AIM2: variants seen among roughly 807,000 people sequenced by gnomAD.
AIM2 encodes the protein interferon-inducible protein AIM2.
In AIM2, 30 loss-of-function variants were observed where a neutral mutation model predicts 27.7. The observed-to-expected ratio is 1.08, with a 90% CI of 0.81 to 1.47. The LOEUF is 1.47. AIM2 is among the 40% of genes most tolerant of loss of function. The pLI is 0.00. For synonymous variants in AIM2, 141 were observed against 145.3 expected (o/e 0.97, Z 0.21); for missense variants, 358 against 411.3 (o/e 0.87, Z 1.12).
At chr1:159,123,275 T>C (rs185389676) in intron 1 of AIM2, among the ~76,000 whole-genome samples, 1 of 152,336 alleles carries the variant, frequency 6.6e-6, no homozygotes, top group African/African-American at 2.4e-5. Flanking sequence ...ATAATCTAAA[T>C]TGCTTTCCTA....
At chr1:159,132,514 C>T (rs572312682) in intron 1 of AIM2, among the ~76,000 whole-genome samples, 1 of 152,172 alleles carries the variant, frequency 6.6e-6, no homozygotes, top group Admixed American at 6.5e-5. Flanking sequence ...TGAAAAAGAA[C>T]GGACTCAGAC....
chr1:159,106,449 A>G (rs1329330100), intron 1 of AIM2, among the ~76,000 whole-genome samples: 1 of 152,280 alleles, frequency 6.6e-6, no homozygotes, highest in Non-Finnish European at 1.5e-5. Flanking sequence ...TATTATGCTT[A>G]TAGCTGTCAA....
At position 159,140,207 on chromosome 1, in the gene AIM2, G is replaced by C. The variant is rs370009027; in HGVS notation, c.-16+224C>G. ...ATGTCCTCCAAAGGGCATATCTATG[G>C]GACCAGTGGGAGAGAGATAACATCT... is the stretch of plus-strand genomic sequence containing the variant. On this transcript the variant is annotated intron_variant, in intron 1 of 2. Transcript: ENST00000368129. Among the ~76,000 whole-genome samples, 25 of 152,232 alleles carry C rather than the reference G, an allele frequency of 1.6e-4. No homozygotes were observed. In the East Asian group the frequency reaches 4.6e-3, roughly 28 times the overall value.
upstream of AIM2, among the ~76,000 whole-genome samples, chr1:159,080,693 C>G (rs748164577): frequency 6.6e-6 from 1 of 152,142 alleles, no homozygotes; most frequent in Non-Finnish European, 1.5e-5. Context: ...TGACACAACA[C>G]TTAGAGAACC....
chr1:159,117,094 T>C (rs776345613), intron 1 of AIM2, among the ~76,000 whole-genome samples: 8 of 152,170 alleles, frequency 5.3e-5, no homozygotes, highest in Non-Finnish European at 7.3e-5. Flanking sequence ...ATAGCTTGTA[T>C]GGACTGTAGT....
chr1:159,119,933 A>G (rs748654660), intron 1 of AIM2, among the ~76,000 whole-genome samples: 2 of 152,122 alleles, frequency 1.3e-5, no homozygotes, highest in Non-Finnish European at 2.9e-5. Flanking sequence ...GATACATTAT[A>G]TAGATGAATT....
intron 1 of AIM2, among the ~76,000 whole-genome samples, chr1:159,138,616 T>G (rs1633331): frequency 6.6e-6 from 1 of 151,998 alleles, no homozygotes; most frequent in Non-Finnish European, 1.5e-5. Context: ...GGAAGTGGCA[T>G]GAAGTGGGTG....
intron 3 of AIM2, among the ~76,000 whole-genome samples, 160 bp from the exon 4 acceptor site, chr1:159,066,489 C>T (rs551128653): frequency 8.5e-5 from 13 of 152,274 alleles, no homozygotes; most frequent in South Asian, 2.1e-4. Flanking sequence ...AGGCCTAGAA[C>T]GATCCAGATA....
At chr1:159,072,744 A>T (rs1423491467) in intron 2 of AIM2, among the ~76,000 whole-genome samples, 3 of 152,226 alleles carry the variant, frequency 2.0e-5, no homozygotes, top group Admixed American at 2.0e-4. Flanking sequence ...CTAAAGAAGG[A>T]TAGTCTGGGA....
intron 1 of AIM2, among the ~76,000 whole-genome samples, chr1:159,116,877 T>G (rs1287703629): frequency 6.6e-6 from 1 of 151,848 alleles, no homozygotes; most frequent in Non-Finnish European, 1.5e-5. Flanking sequence ...GAAATTCTTC[T>G]GAAACTGTAT....
chr1:159,073,161 T>G, intron 2 of AIM2, 77 bp downstream of exon 2: 1 of 1,564,334 alleles, frequency 6.4e-7, no homozygotes, highest in Non-Finnish European at 8.7e-7. Flanking sequence ...GGGGGTCATA[T>G]CCCAGGGATG....
chr1:159,094,634 G>C (rs565489692), intron 1 of AIM2, among the ~76,000 whole-genome samples: 2 of 152,286 alleles, frequency 1.3e-5, no homozygotes, highest in East Asian at 3.9e-4. Flanking sequence ...GGAGGCAAAG[G>C]TTGCAGTGAG....
chr1:159,107,459 G>A (rs1022077480), intron 1 of AIM2, among the ~76,000 whole-genome samples: 3 of 152,044 alleles, frequency 2.0e-5, no homozygotes, highest in Admixed American at 2.0e-4. Context: ...CACTGAGAAG[G>A]TACCAGTTAA....
intron 1 of AIM2, among the ~76,000 whole-genome samples, chr1:159,111,815 C>T (rs981656908): frequency 7.9e-6 from 1 of 126,628 alleles, no homozygotes; most frequent in African/African-American, 3.5e-5. Flanking sequence ...AAAAAAAAAA[C>T]TATCTATCTA....
upstream of AIM2, among the ~76,000 whole-genome samples, chr1:159,077,481 C>T (rs1049704727): frequency 6.6e-6 from 1 of 152,178 alleles, no homozygotes; most frequent in African/African-American, 2.4e-5. Flanking sequence ...GCCAAGTTTT[C>T]GACCATCTTG....
chr1:159,077,616 C>G (rs1388076503), upstream of AIM2, among the ~76,000 whole-genome samples: 1 of 152,168 alleles, frequency 6.6e-6, no homozygotes, highest in African/African-American at 2.4e-5. Flanking sequence ...GTGGGGCAAT[C>G]CCTCTGCTAA....
the AIM2 span, among the ~76,000 whole-genome samples, chr1:159,056,484 G>A: frequency 2.0e-5 from 3 of 151,856 alleles, no homozygotes; most frequent in South Asian, 2.1e-4. Flanking sequence ...GTGCTGTTTC[G>A]GCAAAACAGC....
chr1:159,059,656 T>C (rs1324955057), downstream of AIM2, among the ~76,000 whole-genome samples: 2 of 152,188 alleles, frequency 1.3e-5, no homozygotes, highest in Non-Finnish European at 2.9e-5. Flanking sequence ...CCCTGGATGA[T>C]GGTGATTTGG....
In AIM2 at chr1:159,128,287, AC is replaced by A. The variant is rs1471067366; in HGVS notation, c.-16+12143del. 2.6e-5 allele frequency among the ~76,000 whole-genome samples: 4 copies of A among 151,538 alleles called. No homozygotes were observed. The East Asian group carries it at 5.8e-4, about 22-fold the overall frequency. On this transcript the variant is annotated intron_variant, in intron 1 of 2. Coordinates refer to the AIM2 transcript ENST00000368129. ...CACACACACACACACACACACACACACACCACCCCAAGCCCTGCCATTTTTC... is the reference window on the plus strand; with the variant it reads ...CACACACACACACACACACACACACAACCACCCCAAGCCCTGCCATTTTTC...
Sources: allele counts gnomAD v4.1 joint callset (sites outside exome capture counted in the v4.1 genomes callset), GRCh38; gene constraint gnomAD v4.1.1; transcripts MANE v1.5; gene names NCBI Gene and HGNC (gene_info 2026-07-23, HGNC 2026-07-21).